PRR16: variants seen among roughly 807,000 people sequenced by gnomAD.
The protein encoded by PRR16 is protein Largen.
A neutral mutation model predicts 18.2 loss-of-function variants in PRR16; 6 were observed. The ratio of observed to expected loss-of-function variants is 0.33; its 90% CI spans 0.18 to 0.65. PRR16 has a LOEUF of 0.65. PRR16 is among the 30% of genes least tolerant of loss of function. PRR16 has a pLI of 0.74. For missense variants in PRR16, 412 were observed against 376.6 expected, an observed-to-expected ratio of 1.09 and a Z score of -0.78; for synonymous variants, 151 against 147.8, an observed-to-expected ratio of 1.02 and a Z score of -0.16.
At chr5:120,723,922 A>G in the PRR16 span, among the ~76,000 whole-genome samples, 1 of 151,534 alleles carries the variant, frequency 6.6e-6, no homozygotes, top group African/African-American at 2.4e-5. Flanking sequence ...GTGGTTTTTA[A>G]TTTTATGATT....
intron 1 of PRR16, among the ~76,000 whole-genome samples, chr5:120,549,717 AT>A (rs1230796982): frequency 1.3e-5 from 2 of 151,986 alleles, no homozygotes; most frequent in East Asian, 3.9e-4. Context: ...AGCTTATTAT[AT>A]TTTATGGGTA....
At chr5:120,667,303 C>A (rs1270395759) in intron 1 of PRR16, among the ~76,000 whole-genome samples, 6 of 149,626 alleles carry the variant, frequency 4.0e-5, no homozygotes, top group African/African-American at 1.5e-4. Context: ...TGGTGATATC[C>A]CCTTTATCAT....
intron 1 of PRR16, among the ~76,000 whole-genome samples, chr5:120,495,014 A>G (rs944613502): frequency 4.6e-5 from 7 of 152,076 alleles, no homozygotes; most frequent in African/African-American, 1.7e-4. Context: ...GAAACTGTAT[A>G]GATTGATTCT....
intron 1 of PRR16, among the ~76,000 whole-genome samples, chr5:120,669,606 G>A (rs886733563): frequency 2.6e-5 from 4 of 151,820 alleles, no homozygotes; most frequent in Non-Finnish European, 5.9e-5. Context: ...TACTAAAATT[G>A]AAATTTCAAA....
chr5:120,772,462 T>C, the PRR16 span, among the ~76,000 whole-genome samples: 1 of 152,132 alleles, frequency 6.6e-6, no homozygotes, highest in African/African-American at 2.4e-5. Context: ...TGGCCATCAG[T>C]AATAATTACT....
chr5:120,645,074 C>T (rs1391556072), intron 1 of PRR16, among the ~76,000 whole-genome samples: 2 of 152,078 alleles, frequency 1.3e-5, no homozygotes, highest in African/African-American at 4.8e-5. Context: ...TCTCTGAAAC[C>T]TATACCTTTT....
chr5:120,677,905 C>CTTTTTTTTTTTTTTTT (rs386404833), intron 1 of PRR16, among the ~76,000 whole-genome samples: 7 of 93,218 alleles, frequency 7.5e-5, no homozygotes, highest in Admixed American at 1.5e-4. Flanking sequence ...CTTTTTCTTT[C>CTTTTTTTTTTTTTTTT]TTTTTTTTTT....
At chr5:120,777,669 C>A in the PRR16 span, among the ~76,000 whole-genome samples, 1 of 152,054 alleles carries the variant, frequency 6.6e-6, no homozygotes, top group Non-Finnish European at 1.5e-5. Context: ...GTGAAAAAGC[C>A]AGGACTAAAA....
chr5:120,505,661 T>C (rs1465674563), intron 1 of PRR16, among the ~76,000 whole-genome samples: 1 of 152,176 alleles, frequency 6.6e-6, no homozygotes, highest in East Asian at 1.9e-4. Flanking sequence ...ACTTTTATTT[T>C]ATAACAGATT....
chr5:120,582,496 A>G (rs922333227), intron 1 of PRR16, among the ~76,000 whole-genome samples: 4 of 150,094 alleles, frequency 2.7e-5, no homozygotes, highest in Non-Finnish European at 6.0e-5. Context: ...TTAAAAAAAT[A>G]GAATAAGGAA....
intron 1 of PRR16, among the ~76,000 whole-genome samples, chr5:120,624,290 A>G (rs1462091499): frequency 6.6e-6 from 1 of 152,152 alleles, no homozygotes; most frequent in East Asian, 1.9e-4. Context: ...CGAAAGTAAG[A>G]TATAATTTAG....
the PRR16 span, among the ~76,000 whole-genome samples, chr5:120,716,066 A>C: frequency 6.6e-6 from 1 of 152,178 alleles, no homozygotes; most frequent in Admixed American, 6.5e-5. Flanking sequence ...AACAACAACA[A>C]ATCAGGAGAG....
intron 1 of PRR16, among the ~76,000 whole-genome samples, chr5:120,485,948 C>T (rs1188628772): frequency 6.6e-6 from 1 of 152,074 alleles, no homozygotes; most frequent in Admixed American, 6.6e-5. Flanking sequence ...TGGTTTCCAG[C>T]TTCATCCATG....
At chr5:120,505,685 G>A (rs571993656) in intron 1 of PRR16, among the ~76,000 whole-genome samples, 18 of 152,132 alleles carry the variant, frequency 1.2e-4, no homozygotes, top group African/African-American at 4.1e-4. Flanking sequence ...GCAGAGTCAA[G>A]TTTTAAACAG....
intron 1 of PRR16, among the ~76,000 whole-genome samples, chr5:120,646,247 A>G (rs60414349): frequency 2.5e-3 from 373 of 151,872 alleles, no homozygotes; most frequent in African/African-American, 8.6e-3. Context: ...GTCATCTTAC[A>G]TCTATCATAT....
At chr5:120,680,899 C>A (rs966136547) in intron 1 of PRR16, among the ~76,000 whole-genome samples, 1 of 152,238 alleles carries the variant, frequency 6.6e-6, no homozygotes, top group East Asian at 1.9e-4. Context: ...TGAACATAAA[C>A]TCTAAATTAT....
chr5:120,471,506 T>C (rs1444324242), intron 1 of PRR16, among the ~76,000 whole-genome samples: 2 of 152,140 alleles, frequency 1.3e-5, no homozygotes, highest in East Asian at 3.8e-4. Context: ...TAGAGAATCT[T>C]GTTGAATTCT....
At chr5:120,465,970 C>G (rs1176439548) in intron 1 of PRR16, among the ~76,000 whole-genome samples, 2 of 152,172 alleles carry the variant, frequency 1.3e-5, no homozygotes, top group Admixed American at 6.5e-5. Context: ...GAACTGAACT[C>G]TGCATTTGTT....
chr5:120,634,019 A>C (rs1273796008), intron 1 of PRR16, among the ~76,000 whole-genome samples: 1 of 152,172 alleles, frequency 6.6e-6, no homozygotes, highest in Non-Finnish European at 1.5e-5. Flanking sequence ...AACATTCTCT[A>C]AGATAAGCCA....
Sources: allele counts gnomAD v4.1 joint callset (sites outside exome capture counted in the v4.1 genomes callset), GRCh38; gene constraint gnomAD v4.1.1; transcripts MANE v1.5; gene names NCBI Gene and HGNC (gene_info 2026-07-23, HGNC 2026-07-21).